Variants in CPNE8 observed in about 807,000 individuals in gnomAD.
CPNE8 encodes the protein copine 8, also known as copine-8.
In CPNE8, 45 loss-of-function variants were observed where a neutral mutation model predicts 81.5. The observed-to-expected ratio is 0.55, with a 90% CI of 0.44 to 0.71. CPNE8 has a LOEUF of 0.71. CPNE8 is among the 30% of genes least tolerant of loss of function. The pLI, the probability that CPNE8 is intolerant of heterozygous loss-of-function variation, is 0.00. For missense variants in CPNE8, 594 were observed against 672.1 expected (o/e 0.88, Z 1.28); for synonymous variants, 252 against 226.3 (o/e 1.11, Z -1.02).
intron 10 of CPNE8, among the ~76,000 whole-genome samples, chr12:38,753,349 G>A (rs1211739386): frequency 6.6e-6 from 1 of 152,162 alleles, no homozygotes; most frequent in Non-Finnish European, 1.5e-5. Context: ...CGACTCAGGA[G>A]GCTGAGACAG....
chr12:38,654,599 G>T (rs1290821521), intron 19 of CPNE8, among the ~76,000 whole-genome samples: 2 of 151,052 alleles, frequency 1.3e-5, no homozygotes, highest in Non-Finnish European at 2.9e-5. Flanking sequence ...ATCTCAAAAG[G>T]AATGCAATCA....
At chr12:38,798,583 A>G (rs971138872) in intron 6 of CPNE8, among the ~76,000 whole-genome samples, 1 of 152,186 alleles carries the variant, frequency 6.6e-6, no homozygotes, top group African/African-American at 2.4e-5. Context: ...GGTACCAGCC[A>G]CTGCAAAAAC....
chr12:38,840,163 A>G (rs1302985850), intron 4 of CPNE8, among the ~76,000 whole-genome samples: 2 of 152,176 alleles, frequency 1.3e-5, no homozygotes, highest in Non-Finnish European at 2.9e-5. Context: ...TTTCATTTCT[A>G]AACACCTAAC....
intron 1 of CPNE8, among the ~76,000 whole-genome samples, chr12:38,893,228 A>T (rs1565665951): frequency 6.6e-6 from 1 of 152,232 alleles, no homozygotes; most frequent in East Asian, 1.9e-4. Flanking sequence ...AATAAGGCTG[A>T]GACCTGCTGG....
At chr12:38,679,821 A>T in intron 16 of CPNE8, 2 of 402,092 alleles carry the variant, frequency 5.0e-6, no homozygotes, top group Non-Finnish European at 6.7e-6. Flanking sequence ...AATATTATAT[A>T]TTTAAGATAA....
intron 1 of CPNE8, among the ~76,000 whole-genome samples, chr12:38,903,619 C>T (rs1404389319): frequency 6.6e-6 from 1 of 152,130 alleles, no homozygotes; most frequent in Non-Finnish European, 1.5e-5. Context: ...ATATTCATTC[C>T]AAGTATAGGC....
chr12:38,725,041 G>A (rs1415528015), intron 11 of CPNE8, 142 bp from the exon 12 acceptor site: 3 of 768,282 alleles, frequency 3.9e-6, no homozygotes, highest in East Asian at 5.4e-5. Context: ...GTATGACTTT[G>A]GACAGTCATT....
At chr12:38,762,300 T>G in intron 8 of CPNE8, 84 bp from the exon 9 acceptor site, 1 of 676,520 alleles carries the variant, frequency 1.5e-6, no homozygotes, top group East Asian at 3.1e-5. Context: ...CTCTGCTTAC[T>G]TTTTGTTCAG....
chr12:38,789,749 GA>G (rs1175918650), intron 6 of CPNE8, among the ~76,000 whole-genome samples: 3 of 151,264 alleles, frequency 2.0e-5, no homozygotes, highest in East Asian at 1.9e-4. Context: ...AACTCTGTAG[GA>G]AAAAAAATCT....
intron 6 of CPNE8, among the ~76,000 whole-genome samples, chr12:38,795,523 G>C (rs548548460): frequency 1.3e-5 from 2 of 152,112 alleles, no homozygotes; most frequent in African/African-American, 4.8e-5. Context: ...TATATACATA[G>C]GATGGAATGT....
At chr12:38,683,733 A>C (rs1592007686) in intron 16 of CPNE8, among the ~76,000 whole-genome samples, 1 of 152,148 alleles carries the variant, frequency 6.6e-6, no homozygotes, top group Non-Finnish European at 1.5e-5. Context: ...GATGACTCTT[A>C]AATAGCCATC....
intron 13 of CPNE8, among the ~76,000 whole-genome samples, chr12:38,706,311 C>T (rs1940104625): frequency 6.6e-6 from 1 of 151,990 alleles, no homozygotes; most frequent in African/African-American, 2.4e-5. Flanking sequence ...CAATAACAAA[C>T]CCAAATTTGA....
intron 7 of CPNE8, among the ~76,000 whole-genome samples, chr12:38,771,698 A>C (rs530778277): frequency 6.6e-6 from 1 of 152,332 alleles, no homozygotes; most frequent in Non-Finnish European, 1.5e-5. Context: ...TAAAGGAAGA[A>C]TTAATAATAT....
At chr12:38,830,618 A>C (rs563309356) in intron 5 of CPNE8, among the ~76,000 whole-genome samples, 1 of 152,216 alleles carries the variant, frequency 6.6e-6, no homozygotes, top group Non-Finnish European at 1.5e-5. Flanking sequence ...ACTGAACACG[A>C]CCAAGAAAAT....
intron 2 of CPNE8, among the ~76,000 whole-genome samples, chr12:38,873,387 C>T (rs563134683): frequency 6.6e-6 from 1 of 152,170 alleles, no homozygotes; most frequent in Non-Finnish European, 1.5e-5. Context: ...GAAAAACAAG[C>T]CAAGCTCTCC....
rs1942008119 is a variant in CPNE8 at position 38,779,796 on chromosome 12, T to G, written c.408-3495A>C. Among the ~76,000 whole-genome samples the G allele has an allele frequency of 2.6e-5, 4 of 152,044 alleles. No homozygotes were observed. The South Asian group carries it at 8.3e-4, about 31-fold the overall frequency. On this transcript the variant is annotated intron_variant, in intron 6 of 19. Coordinates refer to ENST00000331366, the MANE Select transcript of CPNE8 (RefSeq NM_153634.3). Reference sequence around the variant, plus strand: ...AGTTAGACTCTCCAAAACAACAGGTTGCAGAATCAAACACAGATTTAGAAT... The same window carrying G: ...AGTTAGACTCTCCAAAACAACAGGTGGCAGAATCAAACACAGATTTAGAAT...
intron 13 of CPNE8, among the ~76,000 whole-genome samples, chr12:38,717,438 T>TATATATATATATAC (rs1940429954): frequency 2.3e-5 from 3 of 128,356 alleles, no homozygotes; most frequent in Admixed American, 2.3e-4. Flanking sequence ...TGTATATATA[T>TATATATATATATAC]ATATATATAT....
chr12:38,733,361 C>A (rs1940880985), intron 10 of CPNE8, among the ~76,000 whole-genome samples: 1 of 151,714 alleles, frequency 6.6e-6, no homozygotes, highest in Non-Finnish European at 1.5e-5. Context: ...CCAACTATTC[C>A]TAGATTCTAC....
intron 6 of CPNE8, among the ~76,000 whole-genome samples, chr12:38,822,458 G>T (rs1241249001): frequency 6.6e-6 from 1 of 151,548 alleles, no homozygotes; most frequent in African/African-American, 2.4e-5. Flanking sequence ...AAGGAAGGAA[G>T]GAAAGATACT....
Sources: allele counts gnomAD v4.1 joint callset (sites outside exome capture counted in the v4.1 genomes callset), GRCh38; gene constraint gnomAD v4.1.1; transcripts MANE v1.5; gene names NCBI Gene and HGNC (gene_info 2026-07-23, HGNC 2026-07-21).